The following CPA6 variants were observed in gnomAD, a reference collection of about 807,000 sequenced individuals.
The protein encoded by CPA6 is carboxypeptidase B.
Under a neutral mutation model 63.3 loss-of-function variants are expected in CPA6, and 58 were observed. The observed-to-expected ratio is 0.92, with a 90% CI of 0.74 to 1.14. The LOEUF is 1.14. CPA6 is among the 50% of genes most tolerant of loss of function. CPA6 has a pLI of 0.00. For missense variants in CPA6, 565 were observed against 526.6 expected (o/e 1.07, Z -0.71); for synonymous variants, 185 against 179.0 (o/e 1.03, Z -0.27).
intron 1 of CPA6, among the ~76,000 whole-genome samples, chr8:67,718,849 G>A (rs981262086): frequency 4.6e-5 from 7 of 152,090 alleles, no homozygotes; most frequent in African/African-American, 1.7e-4. Context: ...GTTTCACCAT[G>A]TTGGCTAGGA....
At chr8:67,743,556 C>T (rs980511612) in intron 1 of CPA6, among the ~76,000 whole-genome samples, 5 of 152,118 alleles carry the variant, frequency 3.3e-5, no homozygotes, top group South Asian at 4.1e-4. Context: ...GCAAACAGGT[C>T]TTACTCTTTC....
At chr8:67,554,009 T>A (rs893899308) in intron 2 of CPA6, among the ~76,000 whole-genome samples, 1 of 152,218 alleles carries the variant, frequency 6.6e-6, no homozygotes, top group Admixed American at 6.5e-5. Context: ...TATTTACCAC[T>A]GTGACATATT....
chr8:67,592,515 C>T (rs1386805466), intron 2 of CPA6, among the ~76,000 whole-genome samples: 1 of 151,526 alleles, frequency 6.6e-6, no homozygotes, highest in Non-Finnish European at 1.5e-5. Flanking sequence ...TCCATCTGGT[C>T]CTGGACTCTT....
intron 1 of CPA6, among the ~76,000 whole-genome samples, chr8:67,718,441 TA>T (rs1329539655): frequency 6.6e-6 from 1 of 152,180 alleles, no homozygotes; most frequent in African/African-American, 2.4e-5. Context: ...TCACCTAGGC[TA>T]GGACCATGGG....
At chr8:67,549,725 A>G (rs1313228065) in intron 2 of CPA6, among the ~76,000 whole-genome samples, 2 of 152,216 alleles carry the variant, frequency 1.3e-5, no homozygotes, top group Admixed American at 1.3e-4. Context: ...CATAAGTGGT[A>G]TCATACAGTA....
intron 1 of CPA6, among the ~76,000 whole-genome samples, chr8:67,672,732 T>C (rs530532444): frequency 6.6e-6 from 1 of 152,328 alleles, no homozygotes; most frequent in Admixed American, 6.5e-5. Context: ...TCTAAAGTCC[T>C]GCTTGGAACA....
At chr8:67,608,633 C>G (rs561450054) in intron 2 of CPA6, among the ~76,000 whole-genome samples, 5 of 152,312 alleles carry the variant, frequency 3.3e-5, no homozygotes, top group Middle Eastern at 3.4e-3. Context: ...CACCCTGACT[C>G]TCCACTGAGT....
chr8:67,669,006 G>C (rs944019706), intron 1 of CPA6, among the ~76,000 whole-genome samples: 6 of 152,310 alleles, frequency 3.9e-5, no homozygotes, highest in Middle Eastern at 3.4e-3. Context: ...GGAGAATGTT[G>C]AGTAAGGCAG....
intron 1 of CPA6, among the ~76,000 whole-genome samples, chr8:67,728,017 G>T (rs1057069802): frequency 8.0e-5 from 12 of 150,744 alleles, no homozygotes; most frequent in African/African-American, 2.9e-4. Flanking sequence ...GGCAGAGCTT[G>T]CAGTGAGCCG....
chr8:67,537,724 G>A (rs2380413), intron 2 of CPA6, among the ~76,000 whole-genome samples: 47,671 of 151,824 alleles, frequency 0.31, 7,826 homozygotes, highest in South Asian at 0.4. Flanking sequence ...CTTGTCTTCT[G>A]CTAGCTTTTG....
intron 1 of CPA6, among the ~76,000 whole-genome samples, chr8:67,658,109 C>T (rs1816029594): frequency 6.6e-6 from 1 of 152,170 alleles, no homozygotes; most frequent in Non-Finnish European, 1.5e-5. Flanking sequence ...AGCGAATACT[C>T]TTCCCTACCT....
At chr8:67,732,968 G>A (rs1817735951) in intron 1 of CPA6, among the ~76,000 whole-genome samples, 1 of 151,780 alleles carries the variant, frequency 6.6e-6, no homozygotes, top group Non-Finnish European at 1.5e-5. Context: ...AGGCTGAGGC[G>A]GGCGGATCAT....
intron 1 of CPA6, among the ~76,000 whole-genome samples, chr8:67,629,145 AC>A (rs1815261391): frequency 6.7e-6 from 1 of 150,258 alleles, no homozygotes; most frequent in Non-Finnish European, 1.5e-5. Context: ...CCCCAAAAAA[AC>A]AAACAAAAAA....
intron 6 of CPA6, among the ~76,000 whole-genome samples, chr8:67,499,086 G>A (rs1234693103): frequency 6.6e-6 from 1 of 152,116 alleles, no homozygotes; most frequent in Non-Finnish European, 1.5e-5. Context: ...ATTTAATTCT[G>A]GTAGTTTGCT....
chr8:67,674,356 C>G (rs779689986), intron 1 of CPA6, among the ~76,000 whole-genome samples: 110 of 152,332 alleles, frequency 7.2e-4, no homozygotes, highest in Non-Finnish European at 1.4e-3. Flanking sequence ...TTAGCTGTAA[C>G]AAGGCAAGCT....
chr8:67,493,776 T>C (rs542242760), intron 6 of CPA6, among the ~76,000 whole-genome samples: 1 of 152,014 alleles, frequency 6.6e-6, no homozygotes, highest in Non-Finnish European at 1.5e-5. Flanking sequence ...ATTGCTTTTC[T>C]TTTCTTTCTT....
chr8:67,589,687 C>G (rs1027288761), intron 2 of CPA6, among the ~76,000 whole-genome samples: 1 of 152,118 alleles, frequency 6.6e-6, no homozygotes, highest in Admixed American at 6.6e-5. Context: ...ATCAAGTTTA[C>G]ATCTGAAAGT....
chr8:67,503,896 C>T (rs1367665246), intron 6 of CPA6, among the ~76,000 whole-genome samples: 2 of 152,124 alleles, frequency 1.3e-5, no homozygotes, highest in Admixed American at 6.5e-5. Context: ...AATGCTCTCG[C>T]TCCCATTTTC....
intron 2 of CPA6, among the ~76,000 whole-genome samples, chr8:67,597,500 T>C (rs1419749417): frequency 1.3e-5 from 2 of 152,166 alleles, no homozygotes; most frequent in Non-Finnish European, 1.5e-5. Context: ...GGCCCCTCTG[T>C]GTCTTTTATC....
Sources: gnomAD v4.1 joint callset for allele counts (sites outside exome capture counted in the v4.1 genomes callset) on GRCh38, gnomAD v4.1.1 for gene constraint, MANE v1.5 for transcripts, NCBI Gene and HGNC (gene_info 2026-07-23, HGNC 2026-07-21) for gene names.